MGST2: variants seen among roughly 807,000 people sequenced by gnomAD.
The protein encoded by MGST2 is glutathione peroxidase MGST2.
In MGST2, 9 loss-of-function variants were observed where a neutral mutation model predicts 16.6. The ratio of observed to expected loss-of-function variants is 0.54; its 90% confidence interval spans 0.33 to 0.95. MGST2 has a LOEUF of 0.95. Ranked by LOEUF, MGST2 falls within the 40% of genes least tolerant of loss-of-function variation. MGST2 has a pLI of 0.03. For synonymous variants in MGST2, 79 were observed against 68.0 expected (o/e 1.16, Z -0.79); for missense variants, 159 against 175.1 (o/e 0.91, Z 0.52).
chr4:139,676,178 T>C (rs1291928068), intron 1 of MGST2, among the ~76,000 whole-genome samples: 1 of 152,214 alleles, frequency 6.6e-6, no homozygotes, highest in African/African-American at 2.4e-5. Flanking sequence ...TTAAAATCCT[T>C]GCTTTCATTC....
chr4:139,750,476 T>G, the MGST2 span, among the ~76,000 whole-genome samples: 1 of 152,216 alleles, frequency 6.6e-6, no homozygotes, highest in African/African-American at 2.4e-5. Flanking sequence ...GTTTTGGGCT[T>G]TCTTCTCTTT....
At chr4:139,751,273 G>T in the MGST2 span, among the ~76,000 whole-genome samples, 1 of 152,180 alleles carries the variant, frequency 6.6e-6, no homozygotes. Flanking sequence ...TTCAGGTTGA[G>T]TATCCCTTAT....
chr4:139,720,330 T>A, intron 5 of MGST2: 1 of 1,517,606 alleles, frequency 6.6e-7, no homozygotes, highest in Non-Finnish European at 8.8e-7. Flanking sequence ...GAACCTGCAG[T>A]GAAAAAGAGG....
chr4:139,720,385 G>A (rs1728188383), intron 5 of MGST2: 8 of 1,425,008 alleles, frequency 5.6e-6, no homozygotes, highest in Non-Finnish European at 7.4e-6. Context: ...ACTGCAACAA[G>A]ATGTTGGAAT....
At chr4:139,739,679 G>GT (rs1553952725) in intron 5 of MGST2, among the ~76,000 whole-genome samples, 15,937 of 132,106 alleles carry the variant, frequency 0.12, 1,125 homozygotes, top group Non-Finnish European at 0.15. Flanking sequence ...GAGGAAAGCA[G>GT]TTTTTTTTTT....
chr4:139,682,926 C>G (rs1264982242), intron 2 of MGST2, among the ~76,000 whole-genome samples: 1 of 152,286 alleles, frequency 6.6e-6, no homozygotes, highest in Non-Finnish European at 1.5e-5. Flanking sequence ...TCACAGGCCC[C>G]TGCCTCGCAG....
the MGST2 span, among the ~76,000 whole-genome samples, chr4:139,752,785 T>C: frequency 1.3e-5 from 2 of 152,084 alleles, no homozygotes; most frequent in African/African-American, 4.8e-5. Flanking sequence ...AAAAAAAAGC[T>C]AGAGGCAGGC....
In MGST2 at chr4:139,715,093, C is replaced by T. The variant is rs545901470; in HGVS notation, c.*48+10897C>T. Among the ~76,000 whole-genome samples the T allele has an allele frequency of 5.9e-5, 9 of 152,242 alleles. No homozygotes were observed. In the East Asian group the frequency reaches 1.4e-3, roughly 23 times the overall value. ...AGAAGGGACTCTAACTCTCCTAAGT[C>T]GGGCCTCTAACCAGAGGTCGGTCAA... On this transcript the variant is annotated intron_variant, in intron 5 of 5. Transcript: ENST00000616265. The surrounding 1 kb of genome is among the most constrained non-coding windows in gnomAD (Gnocchi z 4.4).
At chr4:139,675,650 A>C (rs1730920324) in intron 1 of MGST2, among the ~76,000 whole-genome samples, 1 of 152,184 alleles carries the variant, frequency 6.6e-6, no homozygotes. Context: ...TTTGAAAAGG[A>C]AAGTTTTATT....
Position 139,666,176 on chromosome 4 carries a change from C to G in MGST2, c.58+99C>G. ...AGAGAGGGAGGGAGGGAGATGGGTC[C>G]GGTGTTTTGTTTCCTACTTGCCCTT... On this transcript the variant is annotated intron_variant, in intron 1 of 4. Transcript: ENST00000265498. 4 of 1,289,890 alleles carry G rather than the reference C, an allele frequency of 3.1e-6. No homozygotes were observed. In the South Asian group the frequency reaches 4.8e-5, roughly 16 times the overall value. 79.9% of individuals were successfully genotyped at this position (1,289,890 alleles called of 1,614,324 possible).
At chr4:139,717,432 T>G (rs554138539) in intron 5 of MGST2, 1 of 152,388 alleles carries the variant, frequency 6.6e-6, no homozygotes, top group Non-Finnish European at 1.5e-5. Context: ...GTGGCATCAC[T>G]CCCCATTTGG....
downstream of MGST2, chr4:139,704,249 T>G (rs941323717): frequency 6.3e-6 from 9 of 1,439,648 alleles, no homozygotes; most frequent in Admixed American, 1.6e-4. Context: ...CTGTTTTTCT[T>G]GAAATGGCTT....
intron 2 of MGST2, among the ~76,000 whole-genome samples, chr4:139,686,186 C>T (rs1731554207): frequency 6.6e-6 from 1 of 152,078 alleles, no homozygotes; most frequent in South Asian, 2.1e-4. Context: ...GGGCTTCCAG[C>T]TTATAGGTAG....
intron 3 of MGST2, among the ~76,000 whole-genome samples, chr4:139,700,411 G>A (rs1727188313): frequency 6.6e-6 from 1 of 152,092 alleles, no homozygotes; most frequent in African/African-American, 2.4e-5. Context: ...GATTACAGGC[G>A]TGAGCCACCA....
chr4:139,734,889 G>T lies in MGST2; in HGVS notation c.*49-5323G>T, dbSNP rs115068447. On this transcript the variant is annotated intron_variant, in intron 5 of 5. Transcript: ENST00000616265. ...GTGACGGGGACCCCGTGGATAACGGGCTTGAGGACGCCCAGGGCTTCAGCC... is the reference window on the plus strand; with the variant it reads ...GTGACGGGGACCCCGTGGATAACGGTCTTGAGGACGCCCAGGGCTTCAGCC... 5.9e-3 allele frequency among the ~76,000 whole-genome samples: 903 copies of T among 152,368 alleles called. 8 individuals are homozygous for T. The highest frequency in any genetic ancestry group is 0.019 in the African/African-American group (801 of 41,588).
At chr4:139,745,471 G>A (rs1300146113), downstream of MGST2, among the ~76,000 whole-genome samples, 5 of 152,170 alleles carry the variant, frequency 3.3e-5, no homozygotes, top group African/African-American at 9.7e-5. Flanking sequence ...GGGGAAGCTG[G>A]CTGAGATTTG....
intron 1 of MGST2, among the ~76,000 whole-genome samples, chr4:139,670,611 G>A (rs1267039708): frequency 1.3e-5 from 2 of 152,146 alleles, no homozygotes; most frequent in East Asian, 1.9e-4. Context: ...ACAAAGAAAT[G>A]CTTACATTAA....
At chr4:139,701,278 G>C (rs1414996297) in intron 3 of MGST2, among the ~76,000 whole-genome samples, 1 of 152,102 alleles carries the variant, frequency 6.6e-6, no homozygotes, top group Non-Finnish European at 1.5e-5. Flanking sequence ...TTCCTGAACT[G>C]TTCTCATTGG....
At position 139,735,547 on chromosome 4, in the gene MGST2, A is replaced by C. The variant is rs939599272; in HGVS notation, c.*49-4665A>C. 6.6e-6 allele frequency among the ~76,000 whole-genome samples: 1 copy of C among 152,064 alleles called. No homozygotes were observed. Among genetic ancestry groups the C allele is most frequent in the Non-Finnish European group, 1.5e-5 (1 of 67,994 alleles). The stretch of plus-strand genomic sequence containing the variant: ...CCGGGTTCCAGGACCCCAGCTGCAC[A>C]AAGCCGGCCCGGGGAGGGGGCGATA... On this transcript the variant is annotated intron_variant, in intron 5 of 5. Transcript: ENST00000616265. This position sits in a 1 kb window ranked among gnomAD's most constrained non-coding sequence, Gnocchi z 5.8.
Sources: allele counts gnomAD v4.1 joint callset (sites outside exome capture counted in the v4.1 genomes callset), GRCh38; gene constraint gnomAD v4.1.1; non-coding constraint Gnocchi (gnomAD v3.1); transcripts MANE v1.5; gene names NCBI Gene and HGNC (gene_info 2026-07-23, HGNC 2026-07-21).